The following LRP1B variants were observed in gnomAD, a reference collection of about 807,000 sequenced individuals.
LRP1B encodes LDL receptor related protein 1B.
A neutral mutation model predicts 556.6 loss-of-function variants in LRP1B; 217 were observed. That is an observed-to-expected ratio of 0.39 (90% CI 0.35 to 0.44). The LOEUF is 0.44. Ranked by LOEUF, LRP1B falls within the 20% of genes least tolerant of loss-of-function variation. The pLI, the probability that LRP1B is intolerant of heterozygous loss-of-function variation, is 1.00. For synonymous variants in LRP1B, 2,047 were observed against 1,865.8 expected (o/e 1.10, Z -2.50); for missense variants, 5,053 against 5,620.8 (o/e 0.90, Z 3.23).
intron 6 of LRP1B, among the ~76,000 whole-genome samples, chr2:141,216,839 C>T (rs1357397117): frequency 6.6e-6 from 1 of 152,112 alleles, no homozygotes; most frequent in East Asian, 1.9e-4. Flanking sequence ...GTTTACTCAT[C>T]CTGATTCCAT....
intron 7 of LRP1B, among the ~76,000 whole-genome samples, chr2:141,172,555 G>C (rs1316965237): frequency 6.6e-6 from 1 of 151,790 alleles, no homozygotes; most frequent in South Asian, 2.1e-4. Flanking sequence ...TCATACTTTA[G>C]CCTTCAATCC....
At chr2:141,943,119 G>C (rs2105018061) in intron 1 of LRP1B, among the ~76,000 whole-genome samples, 1 of 152,256 alleles carries the variant, frequency 6.6e-6, no homozygotes, top group Non-Finnish European at 1.5e-5. Flanking sequence ...ATGAAAATAA[G>C]TAGCTAAGAG....
intron 32 of LRP1B, among the ~76,000 whole-genome samples, chr2:140,784,762 G>A (rs1242155384): frequency 6.6e-6 from 1 of 151,744 alleles, no homozygotes; most frequent in African/African-American, 2.4e-5. Flanking sequence ...GAAATTAAAA[G>A]GAGTATAGCT....
intron 31 of LRP1B, among the ~76,000 whole-genome samples, chr2:140,815,474 A>G (rs79790424): frequency 6.6e-6 from 1 of 150,728 alleles, no homozygotes; most frequent in African/African-American, 2.4e-5. Context: ...GCCTAGTTCT[A>G]TTTTTTTTTC....
At position 141,050,699 on chromosome 2, in the gene LRP1B, T is replaced by A. The variant is rs565488781; in HGVS notation, c.1553-1477A>T. 9.2e-5 allele frequency among the ~76,000 whole-genome samples: 14 copies of A among 152,232 alleles called. No homozygotes were observed. The East Asian group carries it at 2.7e-3, about 29-fold the overall frequency. Reference sequence around the variant, plus strand: ...AAATCCTAGAATAAAACCTAGGGAATACCATTCAGGACACAGGCATGGGGA... The same window carrying A: ...AAATCCTAGAATAAAACCTAGGGAAAACCATTCAGGACACAGGCATGGGGA... On this transcript the variant is annotated intron_variant, in intron 10 of 90. Coordinates refer to ENST00000389484, the MANE Select transcript of LRP1B (RefSeq NM_018557.3).
chr2:141,987,549 G>GTTTTTTTTTTTTTTTTTTTTTT (rs5834887), intron 1 of LRP1B, among the ~76,000 whole-genome samples: 6 of 139,970 alleles, frequency 4.3e-5, no homozygotes, highest in African/African-American at 5.3e-5. Flanking sequence ...GATTTAAGCT[G>GTTTTTTTTTTTTTTTTTTTTTT]TTTTTTTTTT....
At chr2:141,402,847 T>G (rs1559051067) in intron 3 of LRP1B, among the ~76,000 whole-genome samples, 1 of 152,080 alleles carries the variant, frequency 6.6e-6, no homozygotes, top group Non-Finnish European at 1.5e-5. Flanking sequence ...GAATGATGCT[T>G]TTATACATAT....
intron 1 of LRP1B, among the ~76,000 whole-genome samples, chr2:142,054,651 T>C (rs1704595156): frequency 6.6e-6 from 1 of 152,184 alleles, no homozygotes; most frequent in African/African-American, 2.4e-5. Context: ...ATTGTTGGAT[T>C]CCTTCAGTAG....
rs1361813321 is a variant in LRP1B at position 140,334,534 on chromosome 2, C to A, written c.12142G>T (p.Asp4048Tyr). The A allele has an allele frequency of 6.3e-7, 1 of 1,598,028 alleles. No individual in the cohort carries two copies. Among genetic ancestry groups the A allele is most frequent in the Non-Finnish European group, 8.5e-7 (1 of 1,173,098 alleles). Reference sequence around the variant, plus strand: ...GCTGCTTCTTCTATATGGGAATGATCCCCAACAACAGTCCAGTACATCATC... The same window carrying A: ...GCTGCTTCTTCTATATGGGAATGATACCCAACAACAGTCCAGTACATCATC... ...RGMMYWTVVG[D>Y]HSHIEEAAMD... Residue 4048 changes from aspartate to tyrosine, a missense_variant, in exon 79 of 91, where the codon GAT (aspartate) becomes TAT (tyrosine). Transcript: ENST00000389484.
chr2:140,549,437 A>G (rs980881999), intron 43 of LRP1B, among the ~76,000 whole-genome samples: 1 of 152,144 alleles, frequency 6.6e-6, no homozygotes, highest in African/African-American at 2.4e-5. Context: ...ATTAAAAGTG[A>G]GTTGATGGGA....
intron 7 of LRP1B, among the ~76,000 whole-genome samples, chr2:141,066,180 T>A (rs910350659): frequency 2.0e-5 from 3 of 152,010 alleles, no homozygotes; most frequent in Admixed American, 2.0e-4. Flanking sequence ...TTCAAATTTT[T>A]AATTATTCAT....
At position 140,701,790 on chromosome 2, in the gene LRP1B, T is replaced by C. The variant is rs1686651762; in HGVS notation, c.6358A>G (p.Ile2120Val). 1 of 1,613,262 alleles carries C rather than the reference T, an allele frequency of 6.2e-7. No homozygotes were observed. The highest frequency in any genetic ancestry group is 8.5e-7 in the Non-Finnish European group (1 of 1,179,440). Residue 2120 changes from isoleucine (I) to valine (V), a missense_variant, in exon 40 of 91, where the codon ATA becomes GTA. By Grantham distance (29) the Ile-to-Val change is conservative. This residue lies in a region of LRP1B where 3,619 missense variants were observed against 3,931.9 expected (regional missense o/e 0.92). Transcript: ENST00000389484. ...ACTCCAAGGCCGGTTCTCATGGTTA[T>C]CGTTTCTGTGGCATCATTCTTGTGG... ...RGHKNDATET[I>V]TMRTGLGVNL... is the part of the protein sequence containing the mutation.
intron 18 of LRP1B, among the ~76,000 whole-genome samples, chr2:140,966,640 T>C (rs1696231433): frequency 6.6e-6 from 1 of 152,242 alleles, no homozygotes. Flanking sequence ...TAAATGGTAT[T>C]GCCTAGCTTT....
chr2:140,697,630 T>C (rs1013207388), intron 41 of LRP1B, among the ~76,000 whole-genome samples: 9 of 152,064 alleles, frequency 5.9e-5, no homozygotes, highest in African/African-American at 1.9e-4. Context: ...TTCCAATATA[T>C]GCTATATCAT....
At chr2:140,268,075 T>A (rs1682290884) in intron 86 of LRP1B, among the ~76,000 whole-genome samples, 2 of 151,854 alleles carry the variant, frequency 1.3e-5, no homozygotes, top group South Asian at 4.1e-4. Flanking sequence ...ATGGATATAT[T>A]TTGCCCAGAA....
At chr2:141,018,880 C>T (rs905354721) in intron 12 of LRP1B, among the ~76,000 whole-genome samples, 2 of 152,042 alleles carry the variant, frequency 1.3e-5, no homozygotes, top group African/African-American at 4.8e-5. Context: ...TTTGGAGCTA[C>T]TCTTAACACA....
At chr2:141,041,658 T>C (rs1698701921) in intron 11 of LRP1B, among the ~76,000 whole-genome samples, 1 of 152,138 alleles carries the variant, frequency 6.6e-6, no homozygotes, top group South Asian at 2.1e-4. Flanking sequence ...AGTTCTAGTG[T>C]TCTCTAGCAC....
intron 1 of LRP1B, among the ~76,000 whole-genome samples, chr2:141,828,786 T>A (rs774482500): frequency 6.6e-6 from 1 of 152,110 alleles, no homozygotes; most frequent in Non-Finnish European, 1.5e-5. Flanking sequence ...TACTCTTCCC[T>A]GTTATGGGAA....
At chr2:140,585,188 T>C (rs1681936189) in intron 43 of LRP1B, among the ~76,000 whole-genome samples, 1 of 152,116 alleles carries the variant, frequency 6.6e-6, no homozygotes, top group Non-Finnish European at 1.5e-5. Flanking sequence ...ACTTGGTTTA[T>C]TTTTTAAATT....
Sources: allele counts gnomAD v4.1 joint callset (sites outside exome capture counted in the v4.1 genomes callset), GRCh38; gene constraint gnomAD v4.1.1; regional missense constraint gnomAD v4.1.1; transcripts MANE v1.5; gene names NCBI Gene and HGNC (gene_info 2026-07-23, HGNC 2026-07-21).